The following PPP2R3A variants were observed in gnomAD, a reference collection of about 807,000 sequenced individuals.
PPP2R3A encodes the protein serine/threonine-protein phosphatase 2A regulatory subunit B'' subunit alpha.
In PPP2R3A, 80 loss-of-function variants were observed where a neutral mutation model predicts 106.9. That is an observed-to-expected ratio of 0.75 (90% CI 0.62 to 0.90). The LOEUF is 0.90. Among genes scored for constraint, PPP2R3A ranks in the 40% least tolerant of loss-of-function variants. The pLI, the probability that PPP2R3A is intolerant of heterozygous loss-of-function variation, is 0.00. For missense variants in PPP2R3A, 1,386 were observed against 1,350.4 expected, an observed-to-expected ratio of 1.03 and a Z score of -0.41; for synonymous variants, 483 against 468.3, an observed-to-expected ratio of 1.03 and a Z score of -0.41.
At chr3:136,136,072 A>ATT (rs1292454997) in intron 13 of PPP2R3A, among the ~76,000 whole-genome samples, 1 of 27,670 alleles carries the variant, frequency 3.6e-5, no homozygotes, top group African/African-American at 5.5e-5. Flanking sequence ...AAAAAAAAAA[A>ATT]ATTATATATA....
intron 1 of PPP2R3A, among the ~76,000 whole-genome samples, chr3:135,970,111 C>T (rs897332416): frequency 2.3e-4 from 35 of 152,184 alleles, no homozygotes; most frequent in Admixed American, 1.9e-3. Flanking sequence ...TTTACTTGAT[C>T]TGATTTGCTG....
intron 13 of PPP2R3A, among the ~76,000 whole-genome samples, chr3:136,143,769 C>T (rs1057302317): frequency 2.6e-5 from 4 of 152,100 alleles, no homozygotes; most frequent in South Asian, 2.1e-4. Flanking sequence ...CCAGCCTGGG[C>T]GACACAGCGA....
chr3:135,981,204 A>AT (rs1937535361), intron 1 of PPP2R3A, among the ~76,000 whole-genome samples: 1 of 151,716 alleles, frequency 6.6e-6, no homozygotes, highest in Non-Finnish European at 1.5e-5. Context: ...GCTGTAGTAG[A>AT]TTCATAATTG....
chr3:136,129,213 A>G (rs962789814), intron 13 of PPP2R3A, among the ~76,000 whole-genome samples: 14 of 152,112 alleles, frequency 9.2e-5, no homozygotes, highest in Non-Finnish European at 1.8e-4. Flanking sequence ...AAACCTTCAA[A>G]AAATCAATGA....
At chr3:136,048,108 G>GA (rs113680435) in intron 4 of PPP2R3A, among the ~76,000 whole-genome samples, 1,890 of 147,862 alleles carry the variant, frequency 0.013, 33 homozygotes, top group African/African-American at 0.04. Context: ...AATAAAAGTT[G>GA]AAAAAAAAAA....
chr3:136,102,039 A>G lies in PPP2R3A; in HGVS notation c.2960A>G (p.Asp987Gly), dbSNP rs1041873909. The G allele has an allele frequency of 6.2e-7, 1 of 1,614,034 alleles. No homozygotes were observed. The highest frequency in any genetic ancestry group is 8.5e-7 in the Non-Finnish European group (1 of 1,179,956). Reference protein sequence around the residue: ...IEYWFRCMDVDGDGVLSMYEL... With the variant: ...IEYWFRCMDVGGDGVLSMYEL... ...TATTGGTTCCGCTGCATGGATGTGG[A>G]TGGAGACGGTGTACTCTCCATGTAT... is the stretch of plus-strand genomic sequence containing the variant. The change falls in exon 11 of 14, where the codon GAT becomes GGT. Residue 987 changes from aspartate (D) to glycine (G), a missense_variant. By Grantham distance (94) the Asp-to-Gly change is moderately conservative (BLOSUM62 -1). Coordinates refer to ENST00000264977, the MANE Select transcript of PPP2R3A (RefSeq NM_002718.5).
intron 1 of PPP2R3A, among the ~76,000 whole-genome samples, chr3:135,996,327 T>A (rs1933395664): frequency 6.6e-6 from 1 of 152,214 alleles, no homozygotes; most frequent in Non-Finnish European, 1.5e-5. Context: ...TGTGAAAATT[T>A]TTAAGGTTTT....
At chr3:136,139,473 T>C (rs1230358369) in intron 13 of PPP2R3A, among the ~76,000 whole-genome samples, 1 of 151,556 alleles carries the variant, frequency 6.6e-6, no homozygotes, top group African/African-American at 2.4e-5. Context: ...AGGGGGGGGA[T>C]CATGAGGTCA....
At chr3:136,007,479 G>A (rs1933890284) in intron 2 of PPP2R3A, among the ~76,000 whole-genome samples, 1 of 152,096 alleles carries the variant, frequency 6.6e-6, no homozygotes. Flanking sequence ...AGACCTCTAA[G>A]TCTTTTAATT....
chr3:135,991,726 C>G (rs904512433), intron 1 of PPP2R3A, among the ~76,000 whole-genome samples: 1 of 152,146 alleles, frequency 6.6e-6, no homozygotes, highest in Non-Finnish European at 1.5e-5. Flanking sequence ...AGATAAAATC[C>G]CTGTGAGGGA....
At chr3:136,022,263 A>G (rs1321884053) in intron 2 of PPP2R3A, among the ~76,000 whole-genome samples, 1 of 152,100 alleles carries the variant, frequency 6.6e-6, no homozygotes, top group Non-Finnish European at 1.5e-5. Flanking sequence ...CAGTTGTTCT[A>G]CTTTCTTAAT....
chr3:136,112,745 A>G (rs575759653), intron 13 of PPP2R3A, among the ~76,000 whole-genome samples: 1 of 152,336 alleles, frequency 6.6e-6, no homozygotes, highest in African/African-American at 2.4e-5. Context: ...TATTGTTAAC[A>G]TGGGCATACT....
intron 13 of PPP2R3A, among the ~76,000 whole-genome samples, chr3:136,137,495 T>G (rs1938665365): frequency 6.9e-6 from 1 of 143,968 alleles, no homozygotes; most frequent in South Asian, 2.2e-4. Context: ...AGGCAGCTTT[T>G]TCCTTTATAT....
intron 13 of PPP2R3A, among the ~76,000 whole-genome samples, chr3:136,139,691 C>CAA (rs778189558): frequency 1.8e-4 from 10 of 54,714 alleles, no homozygotes; most frequent in Admixed American, 1.1e-3. Flanking sequence ...GACTCCATCT[C>CAA]AAAAAAAAAA....
chr3:136,074,068 T>C lies in PPP2R3A; in HGVS notation c.2544+3516T>C, dbSNP rs551641862. ...TACCATGTGACTCTATTGAATGTTA[T>C]ATAATCTTCGTGGCATACAGTATAG... On this transcript the variant is annotated intron_variant, in intron 6 of 13. Transcript: ENST00000264977. Among the ~76,000 whole-genome samples, 154 of 152,338 alleles carry C rather than the reference T, an allele frequency of 1.0e-3. 1 individual carries two copies. Among genetic ancestry groups the C allele is most frequent in the African/African-American group, 3.5e-3 (146 of 41,580 alleles).
At chr3:136,068,749 T>G (rs995397722) in intron 5 of PPP2R3A, among the ~76,000 whole-genome samples, 6 of 150,624 alleles carry the variant, frequency 4.0e-5, no homozygotes, top group African/African-American at 1.5e-4. Flanking sequence ...TATTTATCTA[T>G]TATTAAGAGA....
chr3:136,041,264 T>TTG lies in PPP2R3A; in HGVS notation c.2366+303_2366+304insGT, dbSNP rs1553747263. Among the ~76,000 whole-genome samples, 21 of 80,552 alleles carry TTG rather than the reference T, an allele frequency of 2.6e-4. 1 individual carries two copies. Among genetic ancestry groups the TTG allele is most frequent in the African/African-American group, 6.4e-4 (17 of 26,484 alleles). The allele number at this position is 80,552 out of a possible 152,430, so 52.8% of individuals were successfully genotyped here. ...TTTTTTTTTTTGTTTTTTTTTTTGT[T>TTG]TTTTTTTTTTTGAGACAGAATGTCA... On this transcript the variant is annotated intron_variant, in intron 4 of 13. Coordinates refer to ENST00000264977, the MANE Select transcript of PPP2R3A (RefSeq NM_002718.5).
chr3:136,002,133 C>G lies in PPP2R3A; in HGVS notation c.635C>G (p.Thr212Ser). 2 of 1,613,990 alleles carry G rather than the reference C, an allele frequency of 1.2e-6. No individual in the cohort carries two copies. Among genetic ancestry groups the G allele is most frequent in the African/African-American group, 1.3e-5 (1 of 75,028 alleles). The change falls in exon 2 of 14, where the codon ACT (threonine) becomes AGT (serine). Residue 212 changes from threonine to serine, a missense_variant. By Grantham distance (58) the Thr-to-Ser change is moderately conservative (BLOSUM62 1). Transcript: ENST00000264977. The part of the protein sequence containing the change: ...LQNFSEEDLV[T>S]QILEKHKIDN... Reference sequence around the variant, plus strand: ...AACTTTTCTGAAGAAGACTTGGTTACTCAGATTTTGGAAAAACATAAAATA... The same window carrying G: ...AACTTTTCTGAAGAAGACTTGGTTAGTCAGATTTTGGAAAAACATAAAATA...
At position 136,079,449 on chromosome 3, in the gene PPP2R3A, C is replaced by A. The variant is rs1314347952; in HGVS notation, c.2631+996C>A. On this transcript the variant is annotated intron_variant, in intron 7 of 13. Coordinates refer to ENST00000264977, the MANE Select transcript of PPP2R3A (RefSeq NM_002718.5). ...TTTGAGACAGAGTCTTGCTCTCTTG[C>A]CCAGGCTGGAGTGCAGTGGTGCGAT... 2.0e-5 allele frequency among the ~76,000 whole-genome samples: 3 copies of A among 148,660 alleles called. No individual in the cohort carries two copies. The East Asian group carries it at 5.9e-4, about 29-fold the overall frequency.
Sources: allele counts gnomAD v4.1 joint callset (sites outside exome capture counted in the v4.1 genomes callset), GRCh38; gene constraint gnomAD v4.1.1; transcripts MANE v1.5; gene names NCBI Gene and HGNC (gene_info 2026-07-23, HGNC 2026-07-21).